LOXL2: variants seen among roughly 807,000 people sequenced by gnomAD.
LOXL2 encodes lysyl oxidase homolog 2.
Under a neutral mutation model 93.0 loss-of-function variants are expected in LOXL2, and 70 were observed. That is an observed-to-expected ratio of 0.75 (90% CI 0.62 to 0.92). The LOEUF (loss-of-function observed/expected upper bound fraction) is 0.92. LOXL2 is among the 40% of genes least tolerant of loss of function. The probability of loss-of-function intolerance (pLI) is 0.00; values close to 1 mark genes in which losing one functional copy is unlikely to be tolerated. For missense variants in LOXL2, 973 were observed against 1,054.9 expected (o/e 0.92, Z 1.08); for synonymous variants, 438 against 413.2 (o/e 1.06, Z -0.73).
At chr8:23,324,686 G>A (rs939363561) in intron 6 of LOXL2, among the ~76,000 whole-genome samples, 1 of 152,160 alleles carries the variant, frequency 6.6e-6, no homozygotes, top group Non-Finnish European at 1.5e-5. Context: ...TGGCCTAGGT[G>A]ACCACAAGGC....
chr8:23,298,775 G>A, intron 13 of LOXL2, 61 bp downstream of exon 13: 2 of 1,023,692 alleles, frequency 2.0e-6, no homozygotes, highest in Non-Finnish European at 3.1e-6. Context: ...CTGCCTCTGG[G>A]TCCTTGAGAA....
intron 4 of LOXL2, among the ~76,000 whole-genome samples, chr8:23,340,341 G>C (rs1803862284): frequency 6.6e-6 from 1 of 152,092 alleles, no homozygotes; most frequent in Non-Finnish European, 1.5e-5. Context: ...TATACCCCAA[G>C]TATACGCCAG....
intron 1 of LOXL2, among the ~76,000 whole-genome samples, chr8:23,386,402 A>T (rs1248885859): frequency 6.6e-6 from 1 of 152,154 alleles, no homozygotes; most frequent in Admixed American, 6.5e-5. Flanking sequence ...CCAAAAAAGA[A>T]AGAAAGAGAA....
At chr8:23,342,672 C>T (rs948684395) in intron 3 of LOXL2, among the ~76,000 whole-genome samples, 2 of 152,192 alleles carry the variant, frequency 1.3e-5, no homozygotes, top group Non-Finnish European at 2.9e-5. Flanking sequence ...ACCTCATGAT[C>T]AGCCCGCCTT....
Position 23,319,900 on chromosome 8 carries a change from G to A in LOXL2, c.1455C>T (p.Ala485=). 1 of 1,613,716 alleles carries A rather than the reference G, an allele frequency of 6.2e-7. No individual in the cohort carries two copies. The highest frequency in any genetic ancestry group is 8.5e-7 in the Non-Finnish European group (1 of 1,179,924). ...VVCRQLGLGF[A]SNAFQETWYW... ...GGCTTCTCACCTGGAAGGCGTTGCT[G>A]GCGAATCCCAGGCCCAGCTGGCGGC... is the stretch of plus-strand genomic sequence containing the variant. The change falls in exon 8 of 14, where the codon GCC becomes GCT. Residue 485 remains alanine, a synonymous_variant. Transcript: ENST00000389131.
At position 23,333,498 on chromosome 8, in the gene LOXL2, G is replaced by A; in HGVS notation, c.869C>T (p.Thr290Ile). The part of the protein sequence containing the change: ...QVSLDPMKNV[T>I]CENGLPAVVS... ...CACGGCCGGTAGCCCATTCTCGCAG[G>A]TGACATTCTTCATGGGGTCCAGTGA... The change falls in exon 5 of 14, where the codon ACC (threonine) becomes ATC (isoleucine). Residue 290 changes from threonine to isoleucine, a missense_variant. Physicochemically the swap from Thr to Ile is moderately conservative, Grantham distance 89. Coordinates refer to ENST00000389131, the MANE Select transcript of LOXL2 (RefSeq NM_002318.3). 2 of 1,613,992 alleles carry A rather than the reference G, an allele frequency of 1.2e-6. No homozygotes were observed. Among genetic ancestry groups the A allele is most frequent in the Non-Finnish European group, 1.7e-6 (2 of 1,180,030 alleles).
At chr8:23,367,669 C>T (rs750172455) in intron 2 of LOXL2, among the ~76,000 whole-genome samples, 3 of 152,184 alleles carry the variant, frequency 2.0e-5, no homozygotes, top group African/African-American at 4.8e-5. Context: ...GAGCACAGGC[C>T]GATTTCACCC....
rs1803051940 is a variant in LOXL2, at chr8:23,297,487, C to CAAGT, written c.*552_*555dup. On this transcript the variant is annotated 3_prime_UTR_variant, in exon 14 of 14. Coordinates refer to ENST00000389131, the MANE Select transcript of LOXL2 (RefSeq NM_002318.3). Reference sequence around the variant, plus strand: ...GTGGGGGCTGTGGATAGGGAAGCACCAAGTCTGAGCTCACCAAATCAGAAA... The same window carrying CAAGT: ...GTGGGGGCTGTGGATAGGGAAGCACCAAGTAAGTCTGAGCTCACCAAATCAGAAA... 2.0e-5 allele frequency: 3 copies of CAAGT among 152,334 alleles called. No individual in the cohort carries two copies. The South Asian group carries it at 6.2e-4, about 31-fold the overall frequency. The allele number at this position is 152,334 out of a possible 1,614,324, so 9.4% of individuals were successfully genotyped here.
Position 23,320,063 on chromosome 8 carries a change from A to C in LOXL2, c.1303-11T>G. 1 of 1,613,420 alleles carries C rather than the reference A, an allele frequency of 6.2e-7. No homozygotes were observed. Among genetic ancestry groups the C allele is most frequent in the Non-Finnish European group, 8.5e-7 (1 of 1,179,816 alleles). On this transcript the variant is annotated splice_polypyrimidine_tract_variant and intron_variant, in intron 7 of 13. Transcript: ENST00000389131. ...GCCGTTCAGGCGCAGCTGCAGACAC[A>C]AAGGCAGGCCACGGTCACCAAGAGG...
intron 3 of LOXL2, among the ~76,000 whole-genome samples, chr8:23,351,713 G>C (rs1029337465): frequency 1.7e-4 from 26 of 152,190 alleles, no homozygotes; most frequent in African/African-American, 6.0e-4. Context: ...TTGCATTTCA[G>C]ATTTTCAGTT....
At position 23,362,799 on chromosome 8, in the gene LOXL2, TTAATTA is replaced by T. The variant is rs557023989; in HGVS notation, c.356-2540_356-2535del. Among the ~76,000 whole-genome samples, 192 of 152,322 alleles carry T rather than the reference TTAATTA, an allele frequency of 1.3e-3. 2 individuals carry two copies. The East Asian group carries it at 0.02, about 16-fold the overall frequency. On this transcript the variant is annotated intron_variant, in intron 2 of 13. Transcript: ENST00000389131. Reference sequence around the variant, plus strand: ...ATGTACATTTGGCCATAATTTTTTTTTAATTATAAAGTGCTAGAGGATTTTCAAATA... The same window carrying T: ...ATGTACATTTGGCCATAATTTTTTTTTAAAGTGCTAGAGGATTTTCAAATA...
intron 10 of LOXL2, among the ~76,000 whole-genome samples, chr8:23,305,498 A>G (rs1803215262): frequency 6.6e-6 from 1 of 151,818 alleles, no homozygotes; most frequent in Non-Finnish European, 1.5e-5. Context: ...TAGAGCCTAG[A>G]GCCCCCCCAC....
At chr8:23,395,151 G>C (rs1800074661) in intron 1 of LOXL2, among the ~76,000 whole-genome samples, 1 of 152,138 alleles carries the variant, frequency 6.6e-6, no homozygotes, top group Non-Finnish European at 1.5e-5. Context: ...CTACTTGGGA[G>C]GATGAGGCAG....
rs796528623 is a variant in LOXL2, at chr8:23,297,977, G to T, written c.*66C>A. 4.1e-5 allele frequency: 57 copies of T among 1,383,466 alleles called. No homozygotes were observed. In the African/African-American group the frequency reaches 6.6e-4, roughly 16 times the overall value. 85.7% of individuals were successfully genotyped at this position (1,383,466 alleles called of 1,614,324 possible). ...ACGTGGCATTCGTTCAGACTCAGTT[G>T]TTGGGGGGAAGTCCCATGGAAGATG... On this transcript the variant is annotated 3_prime_UTR_variant, in exon 14 of 14. Transcript: ENST00000389131.
intron 1 of LOXL2, among the ~76,000 whole-genome samples, chr8:23,384,872 C>T (rs1242117455): frequency 6.6e-6 from 1 of 152,186 alleles, no homozygotes; most frequent in African/African-American, 2.4e-5. Context: ...CGAGATTACA[C>T]CATTGTATTC....
chr8:23,318,547 G>A (rs1463912907), intron 8 of LOXL2, among the ~76,000 whole-genome samples: 1 of 152,016 alleles, frequency 6.6e-6, no homozygotes, highest in East Asian at 1.9e-4. Flanking sequence ...TGAAAAAAAT[G>A]AGGACTTGAG....
At chr8:23,317,246 G>GGGTC in intron 8 of LOXL2, 132 bp from the exon 9 acceptor site, 1 of 935,990 alleles carries the variant, frequency 1.1e-6, no homozygotes, top group East Asian at 2.4e-5. Context: ...ACAGCACGGA[G>GGGTC]GGTCACCTAT....
intron 12 of LOXL2, among the ~76,000 whole-genome samples, chr8:23,300,881 G>A (rs1007287288): frequency 1.1e-4 from 17 of 152,214 alleles, no homozygotes; most frequent in Non-Finnish European, 2.4e-4. Context: ...ACCAGGCACT[G>A]TATACGTGCA....
chr8:23,399,268 GCTGCTCTTTTAAAGCCAGGCAGCCC>G (rs1563212542), intron 1 of LOXL2, among the ~76,000 whole-genome samples: 1 of 151,862 alleles, frequency 6.6e-6, no homozygotes, highest in African/African-American at 2.4e-5. Context: ...ACAGTAACAA[GCTGCTCTTTTAAAGCCAGGCAGCCC>G]CTGGGAATGG....
Sources: allele counts gnomAD v4.1 joint callset (sites outside exome capture counted in the v4.1 genomes callset), GRCh38; gene constraint gnomAD v4.1.1; transcripts MANE v1.5; gene names NCBI Gene and HGNC (gene_info 2026-07-23, HGNC 2026-07-21).